Variants in SUMF1 observed in about 807,000 individuals in gnomAD.
SUMF1 encodes formylglycine-generating enzyme.
A neutral mutation model predicts 47.6 loss-of-function variants in SUMF1; 48 were observed. The ratio of observed to expected loss-of-function variants is 1.01; its 90% CI spans 0.80 to 1.28. The LOEUF (loss-of-function observed/expected upper bound fraction) is 1.28. SUMF1 is among the 50% of genes most tolerant of loss of function. SUMF1 has a pLI of 0.00. For synonymous variants in SUMF1, 230 were observed against 192.1 expected, an observed-to-expected ratio of 1.20 and a Z score of -1.63; for missense variants, 571 against 485.4, an observed-to-expected ratio of 1.18 and a Z score of -1.66.
intron 8 of SUMF1, among the ~76,000 whole-genome samples, chr3:4,090,859 T>C (rs1282903694): frequency 6.6e-6 from 1 of 152,108 alleles, no homozygotes; most frequent in Non-Finnish European, 1.5e-5. Flanking sequence ...AGAAGTATGA[T>C]GGGAGGCCGA....
chr3:4,092,591 G>A (rs1692812071), intron 8 of SUMF1, among the ~76,000 whole-genome samples: 1 of 152,046 alleles, frequency 6.6e-6, no homozygotes, highest in South Asian at 2.1e-4. Context: ...CATATTCCTA[G>A]CCTGCCTCCA....
intron 8 of SUMF1, among the ~76,000 whole-genome samples, chr3:4,118,268 A>G (rs1693465327): frequency 6.6e-6 from 1 of 152,072 alleles, no homozygotes; most frequent in African/African-American, 2.4e-5. Context: ...AACAGGATAC[A>G]TGAAAAAGAA....
intron 8 of SUMF1, among the ~76,000 whole-genome samples, chr3:4,351,980 G>C (rs1699512237): frequency 6.6e-6 from 1 of 152,172 alleles, no homozygotes; most frequent in Non-Finnish European, 1.5e-5. Flanking sequence ...AATCTAGTAA[G>C]TGGTAGGAGA....
chr3:4,210,014 C>T (rs1225397466), intron 8 of SUMF1, among the ~76,000 whole-genome samples: 2 of 152,108 alleles, frequency 1.3e-5, no homozygotes, highest in African/African-American at 4.8e-5. Context: ...CCTGCCTCAG[C>T]CTCCCGAGTA....
At chr3:4,114,965 C>A (rs1287451030) in intron 8 of SUMF1, among the ~76,000 whole-genome samples, 3 of 152,074 alleles carry the variant, frequency 2.0e-5, no homozygotes, top group Non-Finnish European at 4.4e-5. Flanking sequence ...AGGGCTCTTC[C>A]CTTCTGGCCT....
intron 8 of SUMF1, among the ~76,000 whole-genome samples, chr3:4,133,711 G>A (rs1693847394): frequency 2.0e-5 from 3 of 152,004 alleles, no homozygotes; most frequent in Admixed American, 1.3e-4. Context: ...TTCAGTTTTG[G>A]AACTCAGACT....
At chr3:4,350,120 C>T (rs1699461135) in intron 8 of SUMF1, among the ~76,000 whole-genome samples, 2 of 151,810 alleles carry the variant, frequency 1.3e-5, no homozygotes, top group Admixed American at 1.3e-4. Flanking sequence ...CCTGCCTCAG[C>T]CTCCCGAGTA....
chr3:4,286,218 A>G (rs948285417), intron 8 of SUMF1, among the ~76,000 whole-genome samples: 7 of 152,188 alleles, frequency 4.6e-5, no homozygotes, highest in South Asian at 2.1e-4. Context: ...TAAATGGAAA[A>G]ATTTATAATA....
chr3:4,081,983 G>A (rs1692569888), intron 8 of SUMF1, among the ~76,000 whole-genome samples: 1 of 152,068 alleles, frequency 6.6e-6, no homozygotes, highest in South Asian at 2.1e-4. Context: ...AAGGGTATAA[G>A]TCTTTGCCTA....
At chr3:4,200,685 G>C (rs543718706) in intron 8 of SUMF1, among the ~76,000 whole-genome samples, 3 of 152,162 alleles carry the variant, frequency 2.0e-5, no homozygotes, top group East Asian at 1.9e-4. Context: ...AATTGCATGA[G>C]GCAATTTCCT....
chr3:4,217,445 A>G (rs1011172547), intron 8 of SUMF1, among the ~76,000 whole-genome samples: 29 of 138,410 alleles, frequency 2.1e-4, no homozygotes, highest in African/African-American at 8.0e-4. Flanking sequence ...GCAAACCACC[A>G]TGGCACATGT....
At chr3:4,315,953 A>G (rs1171447091) in intron 8 of SUMF1, among the ~76,000 whole-genome samples, 1 of 151,170 alleles carries the variant, frequency 6.6e-6, no homozygotes, top group Admixed American at 6.6e-5. Context: ...AGGCTGAGGT[A>G]CGAGAATCAC....
chr3:4,220,882 C>T (rs191105597), intron 8 of SUMF1, among the ~76,000 whole-genome samples: 9 of 152,136 alleles, frequency 5.9e-5, no homozygotes, highest in East Asian at 3.9e-4. Context: ...TCTCCAGGTC[C>T]GAATTATTAC....
chr3:4,367,522 C>G (rs528119361), intron 8 of SUMF1, among the ~76,000 whole-genome samples: 2 of 151,518 alleles, frequency 1.3e-5, no homozygotes, highest in African/African-American at 4.8e-5. Flanking sequence ...GAGCCCGCAT[C>G]ACCAAGTCAA....
chr3:4,132,683 C>A (rs558449292), intron 8 of SUMF1, among the ~76,000 whole-genome samples: 11 of 152,188 alleles, frequency 7.2e-5, no homozygotes, highest in South Asian at 6.2e-4. Context: ...TTCCATTAAA[C>A]TGGAAGTTAA....
At chr3:4,180,594 G>C (rs963047396) in intron 8 of SUMF1, among the ~76,000 whole-genome samples, 11 of 151,886 alleles carry the variant, frequency 7.2e-5, no homozygotes, top group Non-Finnish European at 1.5e-4. Context: ...TCTAATGTAA[G>C]TGATGAGTTG....
At position 4,430,071 on chromosome 3, in the gene SUMF1, T is replaced by A. The variant is rs947246320; in HGVS notation, c.520-9925A>T. Among the ~76,000 whole-genome samples the A allele has an allele frequency of 4.6e-5, 7 of 152,172 alleles. No homozygotes were observed. The South Asian group carries it at 6.2e-4, about 14-fold the overall frequency. ...AAAATAGGCCCTGAAAAGCGGCAGA[T>A]AGTGGCAGAGCCAGGAAAATAACCC... On this transcript the variant is annotated intron_variant, in intron 3 of 8. Transcript: ENST00000272902.
At chr3:4,184,077 A>G (rs1251259183) in intron 8 of SUMF1, among the ~76,000 whole-genome samples, 2 of 151,618 alleles carry the variant, frequency 1.3e-5, no homozygotes, top group South Asian at 2.1e-4. Context: ...GGAGGTTGCA[A>G]TAAGTTGAAA....
At chr3:4,362,386 T>A in intron 8 of SUMF1, 132 bp from the exon 9 acceptor site, 2 of 753,084 alleles carry the variant, frequency 2.7e-6, no homozygotes, top group Admixed American at 4.0e-5. Flanking sequence ...ACTTAACATG[T>A]ATGCTTTAAA....
Sources: allele counts gnomAD v4.1 joint callset (sites outside exome capture counted in the v4.1 genomes callset), GRCh38; gene constraint gnomAD v4.1.1; transcripts MANE v1.5; gene names NCBI Gene and HGNC (gene_info 2026-07-23, HGNC 2026-07-21).